FAM98A: variants seen among roughly 807,000 people sequenced by gnomAD.
FAM98A encodes the protein protein FAM98A.
In FAM98A, 25 loss-of-function variants were observed where a neutral mutation model predicts 62.9. The observed-to-expected ratio is 0.40, with a 90% CI of 0.29 to 0.56. The LOEUF (loss-of-function observed/expected upper bound fraction) is 0.56, where lower values mean the gene tolerates loss of function less well. Ranked by LOEUF, FAM98A falls within the 20% of genes least tolerant of loss-of-function variation. The pLI is 0.51. For missense variants in FAM98A, 653 were observed against 640.7 expected, an observed-to-expected ratio of 1.02 and a Z score of -0.21; for synonymous variants, 252 against 228.6, an observed-to-expected ratio of 1.10 and a Z score of -0.92.
chr2:33,599,171 T>G lies in FAM98A; in HGVS notation c.51A>C (p.Leu17=), dbSNP rs183544797. ...ETDILESLED[L]GYKGPLLEDG... ...GACCCGTGCCCTGACAATCTTACCC[T>G]AGATCTTCCAACGACTCCAAGATGT... Residue 17 remains leucine, a splice_region_variant and synonymous_variant, in exon 1 of 8, where the codon CTA becomes CTC. Coordinates refer to ENST00000238823, the MANE Select transcript of FAM98A (RefSeq NM_015475.5). 5 of 1,613,366 alleles carry G rather than the reference T, an allele frequency of 3.1e-6. No individual in the cohort carries two copies. In the East Asian group the frequency reaches 8.9e-5, roughly 29 times the overall value.
Position 33,592,178 on chromosome 2 carries a change from C to T in FAM98A, c.239G>A (p.Ser80Asn). ...SEAEEFQLEV[S>N]GLLGEMNCPY... The stretch of plus-strand genomic sequence containing the variant: ...GCAGTTCATCTCCCCTAGTAGCCCA[C>T]TCACCTCAAGCTGGAATTCTTCAGC... The change falls in exon 3 of 8, where the codon AGT becomes AAT. Residue 80 changes from serine (S) to asparagine (N), a missense_variant. Ser to Asn is a conservative substitution (Grantham distance 46). Transcript: ENST00000238823. 1 of 1,612,870 alleles carries T rather than the reference C, an allele frequency of 6.2e-7. No homozygotes were observed. Among genetic ancestry groups the T allele is most frequent in the East Asian group, 2.2e-5 (1 of 44,872 alleles).
At chr2:33,586,844 A>T in intron 5 of FAM98A, 166 bp from the exon 6 acceptor site, 5 of 588,486 alleles carry the variant, frequency 8.5e-6, no homozygotes, top group Non-Finnish European at 1.5e-5. Flanking sequence ...ATGATAGGTG[A>T]CAAAAAGCTG....
At position 33,587,157 on chromosome 2, in the gene FAM98A, A is replaced by G. The variant is rs1265190054; in HGVS notation, c.603+83T>C. ...CTATGTATAAGAAAACATAATTTAA[A>G]AAGCACAAAATGTAAGTGTTGACAT... is the stretch of plus-strand genomic sequence containing the variant. On this transcript the variant is annotated intron_variant, in intron 5 of 7. Transcript: ENST00000238823. 6 of 873,054 alleles carry G rather than the reference A, an allele frequency of 6.9e-6. No homozygotes were observed. The East Asian group carries it at 1.5e-4, about 21-fold the overall frequency. The allele number at this position is 873,054 out of a possible 1,614,324, so 54.1% of individuals were successfully genotyped here. A position where few individuals can be genotyped will look rare whatever the true frequency, so the allele number is the denominator to read the frequency against.
At chr2:33,594,657 A>G (rs1444821018) in intron 2 of FAM98A, among the ~76,000 whole-genome samples, 1 of 101,108 alleles carries the variant, frequency 9.9e-6, no homozygotes, top group Non-Finnish European at 1.9e-5. Flanking sequence ...ATATACACAC[A>G]TATATATACA....
rs1558550422 is a variant in FAM98A at position 33,594,614 on chromosome 2, TATATATATACACAC to T, written c.202+861_202+874del. Among the ~76,000 whole-genome samples the T allele has an allele frequency of 5.3e-5, 3 of 56,268 alleles. 1 individual carries two copies. Among genetic ancestry groups the T allele is most frequent in the Non-Finnish European group, 8.5e-5 (3 of 35,100 alleles). The allele number at this position is 56,268 out of a possible 152,430, so 36.9% of individuals were successfully genotyped here. The stretch of plus-strand genomic sequence containing the variant: ...ACACACACACACATACATACACACA[TATATATATACACAC>T]ATATATATACACATATATATATACA... On this transcript the variant is annotated intron_variant, in intron 2 of 7. Transcript: ENST00000238823.
At chr2:33,592,837 T>G (rs1677704120) in intron 2 of FAM98A, among the ~76,000 whole-genome samples, 1 of 152,230 alleles carries the variant, frequency 6.6e-6, no homozygotes, top group Admixed American at 6.5e-5. Flanking sequence ...TATAATCACC[T>G]ACATTCCCTC....
chr2:33,593,927 T>G (rs1190253911), intron 2 of FAM98A, among the ~76,000 whole-genome samples: 1 of 152,180 alleles, frequency 6.6e-6, no homozygotes, highest in Non-Finnish European at 1.5e-5. Flanking sequence ...TTTCAAAGGT[T>G]CCTACAGTCT....
rs898930005 is a variant in FAM98A at position 33,586,618 on chromosome 2, G to C, written c.664C>G (p.Leu222Val). 5 of 1,613,882 alleles carry C rather than the reference G, an allele frequency of 3.1e-6. No homozygotes were observed. Among genetic ancestry groups the C allele is most frequent in the Non-Finnish European group, 3.4e-6 (4 of 1,179,784 alleles). The stretch of plus-strand genomic sequence containing the variant: ...ACAGTGACATCCAAACGTTTTATTA[G>C]CAGCTTTCTCCGGACTTCATATTCA... ...ANEYEVRRKLLIKRLDVTVQS... is the reference protein window; with the variant it reads ...ANEYEVRRKLVIKRLDVTVQS... The change falls in exon 6 of 8, where the codon CTA becomes GTA. Residue 222 changes from leucine to valine, a missense_variant. Leu to Val is a conservative substitution (Grantham distance 32). Transcript: ENST00000238823.
intron 2 of FAM98A, among the ~76,000 whole-genome samples, chr2:33,594,535 TA>T (rs1160445620): frequency 0.037 from 1,263 of 34,096 alleles, 168 homozygotes; most frequent in African/African-American, 0.071. Flanking sequence ...AACATAAAGT[TA>T]AAAAAAAAAA....
At chr2:33,597,716 C>T (rs755319865) in intron 1 of FAM98A, among the ~76,000 whole-genome samples, 2 of 152,192 alleles carry the variant, frequency 1.3e-5, no homozygotes, top group Non-Finnish European at 2.9e-5. Context: ...ACTCATTCCA[C>T]TACAGTACTA....
At chr2:33,590,612 T>C (rs550636407) in intron 3 of FAM98A, among the ~76,000 whole-genome samples, 2 of 152,202 alleles carry the variant, frequency 1.3e-5, no homozygotes, top group African/African-American at 4.8e-5. Context: ...ATGAAGAATA[T>C]AAAAAGTGAG....
chr2:33,585,709 A>G lies in FAM98A; in HGVS notation c.721-12T>C, dbSNP rs1179128046. ...TTTTCTGTCTGGCTCTGTTGAAAGA[A>G]AAGTGTTCAAAGAGAAATGTCAATT... On this transcript the variant is annotated splice_polypyrimidine_tract_variant and intron_variant, in intron 6 of 7. Coordinates refer to ENST00000238823, the MANE Select transcript of FAM98A (RefSeq NM_015475.5). The G allele has an allele frequency of 1.2e-6, 2 of 1,601,218 alleles. No individual in the cohort carries two copies. The highest frequency in any genetic ancestry group is 1.7e-5 in the Admixed American group (1 of 57,362).
chr2:33,590,776 A>T (rs1677654927), intron 3 of FAM98A, among the ~76,000 whole-genome samples: 2 of 152,186 alleles, frequency 1.3e-5, no homozygotes, highest in Non-Finnish European at 2.9e-5. Flanking sequence ...AGAAACAGAA[A>T]AGTGTGAAAG....
At chr2:33,594,454 A>C (rs1415437443) in intron 2 of FAM98A, among the ~76,000 whole-genome samples, 1 of 150,222 alleles carries the variant, frequency 6.7e-6, no homozygotes, top group Non-Finnish European at 1.5e-5. Context: ...ACAGGTCAAT[A>C]GGTGTAGCAA....
intron 1 of FAM98A, among the ~76,000 whole-genome samples, chr2:33,596,397 T>C (rs1262000653): frequency 6.6e-6 from 1 of 152,184 alleles, no homozygotes; most frequent in African/African-American, 2.4e-5. Flanking sequence ...GTGATTCCAA[T>C]ATAATTTTAA....
chr2:33,594,678 TAC>T (rs1306467167), intron 2 of FAM98A, among the ~76,000 whole-genome samples: 3 of 21,048 alleles, frequency 1.4e-4, no homozygotes, highest in Admixed American at 7.1e-4. Flanking sequence ...CATATATATA[TAC>T]ACACATATAT....
At chr2:33,590,242 A>G (rs1000498688) in intron 3 of FAM98A, among the ~76,000 whole-genome samples, 3 of 152,176 alleles carry the variant, frequency 2.0e-5, no homozygotes, top group African/African-American at 4.8e-5. Flanking sequence ...TAAAAGGCCA[A>G]TGAAGAGCCA....
chr2:33,588,149 A>G, intron 4 of FAM98A, 186 bp downstream of exon 4: 1 of 598,228 alleles, frequency 1.7e-6, no homozygotes, highest in South Asian at 1.9e-5. Context: ...TTTTTAGGAA[A>G]ATACTAAAAT....
intron 5 of FAM98A, 163 bp from the exon 6 acceptor site, chr2:33,586,841 G>C: frequency 5.1e-6 from 3 of 587,530 alleles, no homozygotes; most frequent in Non-Finnish European, 9.1e-6. Flanking sequence ...GAAATGATAG[G>C]TGACAAAAAG....
Sources: gnomAD v4.1 joint callset for allele counts (sites outside exome capture counted in the v4.1 genomes callset) on GRCh38, gnomAD v4.1.1 for gene constraint, MANE v1.5 for transcripts, NCBI Gene and HGNC (gene_info 2026-07-23, HGNC 2026-07-21) for gene names.